The following SLC2A13 variants were observed in gnomAD, a reference collection of about 807,000 sequenced individuals.
The protein encoded by SLC2A13 is solute carrier family 2 member 13.
Under a neutral mutation model 64.4 loss-of-function variants are expected in SLC2A13, and 32 were observed. The observed-to-expected ratio is 0.50, with a 90% confidence interval of 0.37 to 0.67. The LOEUF is 0.67. SLC2A13 is among the 30% of genes least tolerant of loss of function. SLC2A13 has a pLI of 0.00. For synonymous variants in SLC2A13, 338 were observed against 327.1 expected, an observed-to-expected ratio of 1.03 and a Z score of -0.36; for missense variants, 743 against 829.2, an observed-to-expected ratio of 0.90 and a Z score of 1.28.
At chr12:40,038,566 CA>C (rs1055285646) in intron 2 of SLC2A13, among the ~76,000 whole-genome samples, 13 of 150,840 alleles carry the variant, frequency 8.6e-5, no homozygotes, top group Admixed American at 6.6e-5. Flanking sequence ...CCTGTCTCTA[CA>C]AAAAAAATAC....
intron 7 of SLC2A13, among the ~76,000 whole-genome samples, chr12:39,785,827 A>G (rs1266361637): frequency 6.6e-6 from 1 of 152,128 alleles, no homozygotes; most frequent in Non-Finnish European, 1.5e-5. Flanking sequence ...TTAAAATTAG[A>G]CTGCCCTGCT....
At chr12:39,960,744 C>CTTTTTTTT (rs71434303) in intron 3 of SLC2A13, among the ~76,000 whole-genome samples, 6 of 108,842 alleles carry the variant, frequency 5.5e-5, no homozygotes, top group Non-Finnish European at 7.0e-5. Context: ...CTGTCTCATT[C>CTTTTTTTT]TTTTTTTTTT....
At chr12:39,839,314 G>A (rs778008296) in intron 6 of SLC2A13, among the ~76,000 whole-genome samples, 15 of 151,970 alleles carry the variant, frequency 9.9e-5, no homozygotes, top group East Asian at 1.9e-4. Flanking sequence ...CATAGATGTC[G>A]GTTGATTTCC....
intron 1 of SLC2A13, among the ~76,000 whole-genome samples, chr12:40,084,425 G>T (rs560361430): frequency 6.6e-6 from 1 of 152,296 alleles, no homozygotes. Flanking sequence ...TTCAACTTCA[G>T]CAAGATGTCT....
intron 3 of SLC2A13, among the ~76,000 whole-genome samples, chr12:40,028,079 A>G (rs548753945): frequency 6.6e-6 from 1 of 152,154 alleles, no homozygotes; most frequent in East Asian, 1.9e-4. Flanking sequence ...ATTTTTTACA[A>G]AGATTATTTT....
intron 6 of SLC2A13, among the ~76,000 whole-genome samples, chr12:39,834,350 T>C (rs555649859): frequency 2.0e-5 from 3 of 152,188 alleles, no homozygotes; most frequent in South Asian, 4.1e-4. Context: ...TCCATATCTG[T>C]CCTCACCTCT....
chr12:39,917,322 G>A (rs778856977), intron 4 of SLC2A13, among the ~76,000 whole-genome samples: 3 of 152,032 alleles, frequency 2.0e-5, no homozygotes, highest in South Asian at 2.1e-4. Flanking sequence ...AAAAGCATGC[G>A]GTAGGAAAGA....
chr12:39,900,876 G>A (rs1490621609), intron 4 of SLC2A13, among the ~76,000 whole-genome samples: 11 of 152,094 alleles, frequency 7.2e-5, no homozygotes, highest in African/African-American at 9.7e-5. Context: ...ATCCCGCATC[G>A]CCAAGTCAAT....
At chr12:39,905,132 C>T (rs979522795) in intron 4 of SLC2A13, among the ~76,000 whole-genome samples, 2 of 152,060 alleles carry the variant, frequency 1.3e-5, no homozygotes, top group African/African-American at 4.8e-5. Context: ...ATTTAAAAAC[C>T]AGAGTAACTT....
At chr12:39,978,164 C>A (rs2136141683) in intron 3 of SLC2A13, among the ~76,000 whole-genome samples, 1 of 152,236 alleles carries the variant, frequency 6.6e-6, no homozygotes, top group Non-Finnish European at 1.5e-5. Context: ...GCTCTCAAGG[C>A]AATTCTAATA....
rs571949227 is a variant in SLC2A13 at position 39,756,455 on chromosome 12, G to A, written c.*3571C>T. 8 of 151,580 alleles carry A rather than the reference G, an allele frequency of 5.3e-5. No individual in the cohort carries two copies. The highest frequency in any genetic ancestry group is 7.2e-5 in the African/African-American group (3 of 41,444). 9.4% of individuals were successfully genotyped at this position (151,580 alleles called of 1,614,324 possible). ...AAAAAAAATCTGATTATAACAAAAC[G>A]TCTCATTAATTTTGTTGTTTTTAAT... is the stretch of plus-strand genomic sequence containing the variant. On this transcript the variant is annotated 3_prime_UTR_variant, in exon 10 of 10. Transcript: ENST00000280871.
chr12:40,013,050 T>C (rs1237150165), intron 3 of SLC2A13, among the ~76,000 whole-genome samples: 1 of 152,102 alleles, frequency 6.6e-6, no homozygotes, highest in Non-Finnish European at 1.5e-5. Context: ...AGTAAAGGAA[T>C]ATGCAGTAGC....
chr12:39,802,820 A>G (rs1941838861), intron 7 of SLC2A13, among the ~76,000 whole-genome samples: 1 of 152,310 alleles, frequency 6.6e-6, no homozygotes, highest in East Asian at 1.9e-4. Context: ...ATTTATAACC[A>G]CAGGCCAAAA....
intron 1 of SLC2A13, among the ~76,000 whole-genome samples, chr12:40,103,371 C>A (rs892234734): frequency 4.6e-5 from 7 of 152,268 alleles, no homozygotes; most frequent in African/African-American, 1.4e-4. Context: ...GATAACTGTA[C>A]CCCCTCTGAA....
intron 4 of SLC2A13, among the ~76,000 whole-genome samples, chr12:39,879,784 A>G (rs961540366): frequency 2.0e-5 from 3 of 152,156 alleles, no homozygotes; most frequent in African/African-American, 7.2e-5. Flanking sequence ...TAAGACTTTG[A>G]GGGACCATTG....
At chr12:40,004,738 G>A (rs1181982858) in intron 3 of SLC2A13, among the ~76,000 whole-genome samples, 1 of 151,832 alleles carries the variant, frequency 6.6e-6, no homozygotes, top group African/African-American at 2.4e-5. Flanking sequence ...ATAGCCCACT[G>A]TTAACTGGGA....
intron 4 of SLC2A13, among the ~76,000 whole-genome samples, chr12:39,912,374 C>T (rs1303558645): frequency 1.3e-5 from 2 of 152,060 alleles, no homozygotes; most frequent in Middle Eastern, 6.8e-3. Flanking sequence ...CATGGGTAGT[C>T]GGATTACTTT....
intron 7 of SLC2A13, among the ~76,000 whole-genome samples, chr12:39,809,019 T>C (rs1171955251): frequency 1.3e-5 from 2 of 152,166 alleles, no homozygotes; most frequent in East Asian, 3.8e-4. Flanking sequence ...TATGTTTCCT[T>C]ATAAATGTTT....
Position 39,873,777 on chromosome 12 carries a change from G to T in SLC2A13, c.1035-1816C>A, listed in dbSNP as rs1041392948. The stretch of plus-strand genomic sequence containing the variant: ...AAGTTGTCTAAATTTTATTTAAAAT[G>T]AAAAAAAGTTCCATAGCTATACAAA... On this transcript the variant is annotated intron_variant, in intron 4 of 9. Transcript: ENST00000280871. Among the ~76,000 whole-genome samples, 17 of 152,108 alleles carry T rather than the reference G, an allele frequency of 1.1e-4. No homozygotes were observed. In the East Asian group the frequency reaches 2.7e-3, roughly 24 times the overall value.
Sources: allele counts gnomAD v4.1 joint callset (sites outside exome capture counted in the v4.1 genomes callset), GRCh38; gene constraint gnomAD v4.1.1; transcripts MANE v1.5; gene names NCBI Gene and HGNC (gene_info 2026-07-23, HGNC 2026-07-21).